HDX: variants seen among roughly 807,000 people sequenced by gnomAD.
The protein encoded by HDX is highly divergent homeobox.
In HDX, 19 loss-of-function variants were observed where a neutral mutation model predicts 45.2. The observed-to-expected ratio is 0.42, with a 90% CI of 0.29 to 0.62. The LOEUF (loss-of-function observed/expected upper bound fraction) is 0.62, where lower values mean the gene tolerates loss of function less well. Ranked by LOEUF, HDX falls within the 20% of genes least tolerant of loss-of-function variation. HDX has a pLI of 0.20. For synonymous variants in HDX, 188 were observed against 172.8 expected (o/e 1.09, Z -0.69); for missense variants, 532 against 493.9 (o/e 1.08, Z -0.73).
At chrX:84,338,369 T>C (rs1199934685) in intron 7 of HDX, among the ~76,000 whole-genome samples, 2 of 110,474 alleles carry the variant, frequency 1.8e-5, no homozygotes, top group African/African-American at 6.6e-5. Context: ...TACAACATAA[T>C]GTTATACACA....
At chrX:84,501,649 A>C (rs1237142131) in intron 1 of HDX, 1 of 112,277 alleles carries the variant, frequency 8.9e-6, no homozygotes, top group African/African-American at 3.2e-5. Flanking sequence ...GGAAATTTAG[A>C]ATGTGCCTTC....
chrX:84,452,193 G>C (rs1449029285), intron 4 of HDX, among the ~76,000 whole-genome samples: 10 of 110,940 alleles, frequency 9.0e-5, no homozygotes, highest in Non-Finnish European at 1.9e-4. Context: ...AAAAATAAAA[G>C]GCAGCAACAT....
intron 5 of HDX, among the ~76,000 whole-genome samples, chrX:84,416,573 G>GAATT (rs1211378639): frequency 9.1e-6 from 1 of 110,399 alleles, no homozygotes; most frequent in African/African-American, 3.3e-5. Flanking sequence ...ATGAGAGCAG[G>GAATT]AATTATATCT....
intron 5 of HDX, among the ~76,000 whole-genome samples, chrX:84,383,927 A>T (rs2038248258): frequency 9.0e-6 from 1 of 111,380 alleles, no homozygotes; most frequent in South Asian, 3.8e-4. Flanking sequence ...TATATGTATG[A>T]CATTTTCTTT....
intron 5 of HDX, among the ~76,000 whole-genome samples, chrX:84,415,060 A>C (rs1231020092): frequency 8.9e-6 from 1 of 112,098 alleles, no homozygotes; most frequent in Non-Finnish European, 1.9e-5. Flanking sequence ...TAATTCATAC[A>C]AGCTTATTTT....
At chrX:84,455,142 C>T (rs1268696380) in intron 4 of HDX, among the ~76,000 whole-genome samples, 2 of 111,660 alleles carry the variant, frequency 1.8e-5, no homozygotes, top group East Asian at 5.7e-4. Flanking sequence ...ACTACATTCA[C>T]TATTTAAATA....
chrX:84,451,374 T>A (rs934204290), intron 4 of HDX, among the ~76,000 whole-genome samples: 24 of 110,414 alleles, frequency 2.2e-4, no homozygotes, highest in Non-Finnish European at 4.6e-4. Flanking sequence ...CAAAAGATCA[T>A]CAGAGACTAT....
chrX:84,423,710 C>A (rs191490533), intron 5 of HDX, among the ~76,000 whole-genome samples: 1 of 111,561 alleles, frequency 9.0e-6, no homozygotes, highest in East Asian at 2.8e-4. Flanking sequence ...AAGTATAAAA[C>A]CTTTATGATC....
At chrX:84,452,546 A>G (rs2040024246) in intron 4 of HDX, among the ~76,000 whole-genome samples, 1 of 110,661 alleles carries the variant, frequency 9.0e-6, no homozygotes, top group Non-Finnish European at 1.9e-5. Context: ...ACAAAAAAAA[A>G]AAAAAAGTCA....
chrX:84,448,005 A>G (rs2039909762), intron 4 of HDX, among the ~76,000 whole-genome samples: 1 of 111,505 alleles, frequency 9.0e-6, no homozygotes, highest in Non-Finnish European at 1.9e-5. Context: ...GGCAATCACC[A>G]TGCTCCAGCC....
At chrX:84,480,195 T>C (rs752739369) in intron 2 of HDX, among the ~76,000 whole-genome samples, 1 of 112,009 alleles carries the variant, frequency 8.9e-6, no homozygotes, top group Non-Finnish European at 1.9e-5. Flanking sequence ...TCTTGGTACA[T>C]TGAAGTTGTA....
chrX:84,382,930 T>C (rs1644923339), intron 5 of HDX, among the ~76,000 whole-genome samples: 1 of 111,432 alleles, frequency 9.0e-6, no homozygotes, highest in African/African-American at 3.3e-5. Flanking sequence ...TTATTTCACG[T>C]TGCATGCCTG....
At chrX:84,410,796 T>G (rs1198068502) in intron 5 of HDX, among the ~76,000 whole-genome samples, 1 of 111,689 alleles carries the variant, frequency 9.0e-6, no homozygotes, top group Non-Finnish European at 1.9e-5. Flanking sequence ...AGTCTGGTCC[T>G]GGGCATTTTC....
chrX:84,423,884 G>A lies in HDX; in HGVS notation c.1305+16648C>T, dbSNP rs146093021. Among the ~76,000 whole-genome samples, 918 of 110,905 alleles carry A rather than the reference G, an allele frequency of 8.3e-3. 10 individuals are homozygous for A. Among genetic ancestry groups the A allele is most frequent in the African/African-American group, 0.029 (876 of 30,567 alleles). ...ATATCATACAGAATGGGGAAAAACC[G>A]AAAGATTTCCTCTAACATGTTGAAT... On this transcript the variant is annotated intron_variant, in intron 5 of 10. Transcript: ENST00000373177.
At chrX:84,389,064 GTA>G (rs932113934) in intron 5 of HDX, among the ~76,000 whole-genome samples, 3 of 111,967 alleles carry the variant, frequency 2.7e-5, no homozygotes, top group Non-Finnish European at 3.8e-5. Context: ...TTTCACAGGT[GTA>G]TATATTGGCA....
At chrX:84,466,926 C>T in intron 4 of HDX, among the ~76,000 whole-genome samples, 1 of 111,156 alleles carries the variant, frequency 9.0e-6, no homozygotes, top group East Asian at 2.8e-4. Context: ...CCAAAGGTCC[C>T]AGCATATGGT....
intron 5 of HDX, among the ~76,000 whole-genome samples, chrX:84,430,548 G>A (rs1269534547): frequency 1.8e-5 from 2 of 110,650 alleles, no homozygotes; most frequent in East Asian, 2.8e-4. Context: ...TAGTGGAATC[G>A]CTGGATCATA....
intron 8 of HDX, among the ~76,000 whole-genome samples, chrX:84,334,900 A>ATG (rs760571301): frequency 0.01 from 1,116 of 107,879 alleles, 5 homozygotes; most frequent in African/African-American, 0.013. Flanking sequence ...CCTACTCTGT[A>ATG]TGTGTGTGTG....
At chrX:84,418,757 G>A (rs953334119) in intron 5 of HDX, among the ~76,000 whole-genome samples, 6 of 111,349 alleles carry the variant, frequency 5.4e-5, no homozygotes, top group African/African-American at 2.0e-4. Flanking sequence ...GACCCTTGGT[G>A]GGGGTGTGGG....
Sources: gnomAD v4.1 joint callset for allele counts (sites outside exome capture counted in the v4.1 genomes callset) on GRCh38, gnomAD v4.1.1 for gene constraint, MANE v1.5 for transcripts, NCBI Gene and HGNC (gene_info 2026-07-23, HGNC 2026-07-21) for gene names.